SLC6A16: variants seen among roughly 807,000 people sequenced by gnomAD.
SLC6A16 encodes the protein orphan sodium- and chloride-dependent neurotransmitter transporter NTT5.
In SLC6A16, 54 loss-of-function variants were observed where a neutral mutation model predicts 65.4. The ratio of observed to expected loss-of-function variants is 0.83; its 90% CI spans 0.66 to 1.04. The LOEUF (loss-of-function observed/expected upper bound fraction) is 1.04. Ranked by LOEUF, SLC6A16 falls within the 50% of genes least tolerant of loss-of-function variation. SLC6A16 has a pLI of 0.00. For missense variants in SLC6A16, 816 were observed against 914.0 expected (o/e 0.89, Z 1.38); for synonymous variants, 330 against 346.5 (o/e 0.95, Z 0.53).
Position 49,311,302 on chromosome 19 carries a change from A to AGGT in SLC6A16, c.43_45dup (p.Thr15dup), listed in dbSNP as rs768465657. The AGGT allele has an allele frequency of 6.2e-7, 1 of 1,606,998 alleles. No homozygotes were observed. Among genetic ancestry groups the AGGT allele is most frequent in the Non-Finnish European group, 8.5e-7 (1 of 1,177,006 alleles). On this transcript the variant is annotated inframe_insertion, in exon 2 of 12. Transcript: ENST00000335875. Reference sequence around the variant, plus strand: ...TCAGAAATCACTGTGCCAGTCCATGAGGTGTTTGCCAGCAAGGATGTCGAA... The same window carrying AGGT: ...TCAGAAATCACTGTGCCAGTCCATGAGGTGGTGTTTGCCAGCAAGGATGTCGAA...
At chr19:49,330,489 C>T in the SLC6A16 span, among the ~76,000 whole-genome samples, 12 of 151,794 alleles carry the variant, frequency 7.9e-5, no homozygotes, top group African/African-American at 2.2e-4. Context: ...AGAAAAAGGA[C>T]GATCCAATGA....
intron 1 of SLC6A16, among the ~76,000 whole-genome samples, chr19:49,312,986 G>C (rs1444108851): frequency 6.6e-6 from 1 of 150,712 alleles, no homozygotes; most frequent in Non-Finnish European, 1.5e-5. Context: ...AGGAGGCTGA[G>C]GCAGGAGGAT....
intron 7 of SLC6A16, among the ~76,000 whole-genome samples, chr19:49,296,850 G>T (rs1189606166): frequency 1.3e-5 from 2 of 152,218 alleles, no homozygotes; most frequent in South Asian, 4.1e-4. Flanking sequence ...TTAGCCAAGC[G>T]TGATGGCGGG....
rs1449764052 is a variant in SLC6A16, at chr19:49,308,858, C to A, written c.1229+18G>T. The A allele has an allele frequency of 6.2e-7, 1 of 1,613,308 alleles. No homozygotes were observed. The highest frequency in any genetic ancestry group is 1.3e-5 in the African/African-American group (1 of 74,862). On this transcript the variant is annotated intron_variant, in intron 7 of 11. Transcript: ENST00000335875. ...AGTTCCCTGGAGCTGAGACCCTTAACAAAGGGGCCGGCCTTACCTCTCACA... is the reference window on the plus strand; with the variant it reads ...AGTTCCCTGGAGCTGAGACCCTTAAAAAAGGGGCCGGCCTTACCTCTCACA...
intron 1 of SLC6A16, among the ~76,000 whole-genome samples, chr19:49,315,522 G>A (rs1384498172): frequency 1.3e-5 from 2 of 152,196 alleles, no homozygotes; most frequent in African/African-American, 2.4e-5. Flanking sequence ...GCTGGTCATG[G>A]TGGCTCATGC....
At chr19:49,326,523 G>C (rs1970799078), upstream of SLC6A16, among the ~76,000 whole-genome samples, 1 of 152,110 alleles carries the variant, frequency 6.6e-6, no homozygotes, top group African/African-American at 2.4e-5. Context: ...GGAAATTTTG[G>C]GGGTGCTGTA....
At position 49,310,073 on chromosome 19, in the gene SLC6A16, T is replaced by TC. The variant is rs1263795350; in HGVS notation, c.666dup (p.Lys223GlufsTer9). On this transcript the variant is annotated frameshift_variant, in exon 4 of 12. Coordinates refer to ENST00000335875, the MANE Select transcript of SLC6A16 (RefSeq NM_014037.3). LOFTEE classifies it high-confidence loss of function. Reference sequence around the variant, plus strand: ...CTAGAGTTCATCGTTAAGGGACATTTCTCCCATGGAACGGGAAACTGGAAG... The same window carrying TC: ...CTAGAGTTCATCGTTAAGGGACATTTCCTCCCATGGAACGGGAAACTGGAAG... The TC allele has an allele frequency of 1.2e-6, 2 of 1,613,972 alleles. No individual in the cohort carries two copies. Among genetic ancestry groups the TC allele is most frequent in the Admixed American group, 1.7e-5 (1 of 59,984 alleles).
At chr19:49,337,019 T>C in the SLC6A16 span, 1 of 1,613,466 alleles carries the variant, frequency 6.2e-7, no homozygotes, top group Non-Finnish European at 8.5e-7. Context: ...GGAGCTCCGC[T>C]GCCTCCTGGG....
At chr19:49,338,355 A>G in the SLC6A16 span, among the ~76,000 whole-genome samples, 1 of 138,564 alleles carries the variant, frequency 7.2e-6, no homozygotes, top group Non-Finnish European at 1.5e-5. The surrounding 1 kb of genome is among the most constrained non-coding windows in gnomAD (Gnocchi z 5.0). Context: ...TCTGGCTTCC[A>G]CCGGACCCCG....
Position 49,309,816 on chromosome 19 carries a change from A to G in SLC6A16, c.711T>C (p.Cys237=), listed in dbSNP as rs532302681. 5 of 1,609,546 alleles carry G rather than the reference A, an allele frequency of 3.1e-6. No individual in the cohort carries two copies. In the South Asian group the frequency reaches 4.4e-5, roughly 14 times the overall value. The change falls in exon 5 of 12, where the codon TGT becomes TGC. Residue 237 remains cysteine (C), a synonymous_variant. Coordinates refer to ENST00000335875, the MANE Select transcript of SLC6A16 (RefSeq NM_014037.3). ...TMNSSGFDPE[C]ERTTPSIYFW... The stretch of plus-strand genomic sequence containing the variant: ...AGTATATGGAGGGTGTTGTCCGTTC[A>G]CATTCAGGATCTGGGGGGACCTGGC...
rs560653540 is a variant in SLC6A16 at position 49,318,670 on chromosome 19, G to A, written c.-65+6378C>T. Among the ~76,000 whole-genome samples the A allele has an allele frequency of 2.0e-5, 3 of 152,264 alleles. No individual in the cohort carries two copies. The East Asian group carries it at 5.8e-4, about 29-fold the overall frequency. On this transcript the variant is annotated intron_variant, in intron 1 of 11. Coordinates refer to ENST00000335875, the MANE Select transcript of SLC6A16 (RefSeq NM_014037.3). ...AGGACTTAAAAGGAAAACATGAACA[G>A]AATGAGGAATATAAGATAGCTAGAT...
At chr19:49,338,580 C>T in the SLC6A16 span, 1 of 740,306 alleles carries the variant, frequency 1.4e-6, no homozygotes, top group Non-Finnish European at 2.4e-6. This position sits in a 1 kb window ranked among gnomAD's most constrained non-coding sequence, Gnocchi z 5.0. Flanking sequence ...GTCCCCCACT[C>T]CACACCCACC....
the SLC6A16 span, chr19:49,339,477 T>G: frequency 3.2e-6 from 5 of 1,562,224 alleles, no homozygotes; most frequent in Non-Finnish European, 4.4e-6. This position sits in a 1 kb window ranked among gnomAD's most constrained non-coding sequence, Gnocchi z 4.5. Context: ...GCCCTTCATT[T>G]CGCGTCCTTC....
At position 49,310,108 on chromosome 19, in the gene SLC6A16, A is replaced by G; in HGVS notation, c.632T>C (p.Met211Thr). The change falls in exon 4 of 12, where the codon ATG (methionine) becomes ACG (threonine). Residue 211 changes from methionine (M) to threonine (T), a missense_variant. Met to Thr is a moderately conservative substitution (Grantham distance 81, BLOSUM62 -1). Transcript: ENST00000335875. ...AACGGGAAACTGGAAGGACTGGCTC[A>G]TGTAGAAGATGATCCAGGAATTGAC... ...NVVNSWIIFY[M>T]SQSFQFPVPW... 1.2e-6 allele frequency: 2 copies of G among 1,614,084 alleles called. No homozygotes were observed. The highest frequency in any genetic ancestry group is 1.7e-6 in the Non-Finnish European group (2 of 1,180,026).
chr19:49,313,055 C>T (rs1970551470), intron 1 of SLC6A16, among the ~76,000 whole-genome samples: 1 of 129,386 alleles, frequency 7.7e-6, no homozygotes, highest in African/African-American at 3.7e-5. Context: ...TGCACTCCAG[C>T]CTGGGCAACC....
the SLC6A16 span, chr19:49,338,193 C>T: frequency 1.7e-5 from 25 of 1,436,174 alleles, no homozygotes; most frequent in African/African-American, 1.3e-4. The surrounding 1 kb of genome is among the most constrained non-coding windows in gnomAD (Gnocchi z 5.0). Flanking sequence ...CACAACTGTC[C>T]CCGGCGTCGC....
chr19:49,294,025 T>A lies in SLC6A16; in HGVS notation c.1420A>T (p.Ser474Cys). 6.2e-7 allele frequency: 1 copy of A among 1,610,448 alleles called. No homozygotes were observed. The highest frequency in any genetic ancestry group is 8.5e-7 in the Non-Finnish European group (1 of 1,179,796). The change falls in exon 9 of 12, where the codon AGC becomes TGC. Residue 474 changes from serine to cysteine, a missense_variant. Coordinates refer to ENST00000335875, the MANE Select transcript of SLC6A16 (RefSeq NM_014037.3). ...CNIETQFLKA[S>C]EGPKFAFLSF... Reference sequence around the variant, plus strand: ...AGGAATGCAAACTTTGGGCCCTCGCTAGCCTGCAAAGAGAACAAAGAGGTG... The same window carrying A: ...AGGAATGCAAACTTTGGGCCCTCGCAAGCCTGCAAAGAGAACAAAGAGGTG...
chr19:49,322,713 T>C (rs1203783987), intron 1 of SLC6A16, among the ~76,000 whole-genome samples: 2 of 142,200 alleles, frequency 1.4e-5, no homozygotes, highest in African/African-American at 5.2e-5. Flanking sequence ...CTGAAAAAAA[T>C]TAAAGGAGAC....
upstream of SLC6A16, among the ~76,000 whole-genome samples, chr19:49,329,622 CTTTTTT>C (rs71180620): frequency 5.7e-5 from 4 of 70,768 alleles, no homozygotes; most frequent in South Asian, 1.9e-3. Flanking sequence ...AAGGCCTTGT[CTTTTTT>C]TTTTTTTTTT....
Sources: gnomAD v4.1 joint callset for allele counts (sites outside exome capture counted in the v4.1 genomes callset) on GRCh38, gnomAD v4.1.1 for gene constraint, Gnocchi (gnomAD v3.1) non-coding constraint, MANE v1.5 for transcripts, NCBI Gene and HGNC (gene_info 2026-07-23, HGNC 2026-07-21) for gene names.